MAP3K20: variants seen among roughly 807,000 people sequenced by gnomAD.
The protein encoded by MAP3K20 is HCCS-4.
A neutral mutation model predicts 85.7 loss-of-function variants in MAP3K20; 40 were observed. That is an observed-to-expected ratio of 0.47 (90% confidence interval 0.36 to 0.61). The LOEUF (loss-of-function observed/expected upper bound fraction) is 0.61, where lower values mean the gene tolerates loss of function less well. Ranked by LOEUF, MAP3K20 falls within the 20% of genes least tolerant of loss-of-function variation. The probability of loss-of-function intolerance (pLI) is 0.00; values close to 1 mark genes in which losing one functional copy is unlikely to be tolerated. For synonymous variants in MAP3K20, 325 were observed against 327.7 expected (o/e 0.99, Z 0.09); for missense variants, 817 against 961.7 (o/e 0.85, Z 1.99).
At chr2:173,239,928 G>A (rs1177483801) in intron 16 of MAP3K20, among the ~76,000 whole-genome samples, 2 of 152,212 alleles carry the variant, frequency 1.3e-5, no homozygotes, top group Non-Finnish European at 2.9e-5. Context: ...GGGCATTTGA[G>A]CAACACTTCT....
chr2:173,177,573 G>A (rs142620078), intron 3 of MAP3K20, among the ~76,000 whole-genome samples: 1,776 of 149,362 alleles, frequency 0.012, 13 homozygotes, highest in Non-Finnish European at 0.018. Flanking sequence ...TCGGCCTCCC[G>A]AGTAGCCACC....
At chr2:173,101,967 G>C (rs1279577295) in intron 2 of MAP3K20, among the ~76,000 whole-genome samples, 2 of 152,178 alleles carry the variant, frequency 1.3e-5, no homozygotes, top group Admixed American at 6.5e-5. Context: ...GTTTGGAACA[G>C]CTTCTTAGAA....
intron 3 of MAP3K20, among the ~76,000 whole-genome samples, chr2:173,175,280 C>A (rs908017374): frequency 1.3e-5 from 2 of 152,100 alleles, no homozygotes; most frequent in Non-Finnish European, 1.5e-5. Flanking sequence ...TTGACTCATT[C>A]TTTTCTTAGG....
intron 15 of MAP3K20, 103 bp from the exon 16 acceptor site, chr2:173,239,296 ATAGAT>A (rs1342002048): frequency 1.9e-4 from 158 of 817,884 alleles, no homozygotes; most frequent in Middle Eastern, 1.0e-3. Context: ...CCAAAAGTTA[ATAGAT>A]TAGAATAGAA....
At chr2:173,112,184 T>C (rs541174433) in intron 2 of MAP3K20, among the ~76,000 whole-genome samples, 1 of 152,180 alleles carries the variant, frequency 6.6e-6, no homozygotes, top group Non-Finnish European at 1.5e-5. Flanking sequence ...TAAAAGGGGT[T>C]GAGTTCTTGA....
chr2:173,257,312 C>G (rs1685184157), intron 16 of MAP3K20, among the ~76,000 whole-genome samples: 1 of 152,220 alleles, frequency 6.6e-6, no homozygotes, highest in Non-Finnish European at 1.5e-5. Flanking sequence ...AGAAAGTTTC[C>G]TCATACCCCT....
At chr2:173,239,659 C>T (rs1197844436) in intron 16 of MAP3K20, among the ~76,000 whole-genome samples, 163 bp downstream of exon 16, 2 of 152,162 alleles carry the variant, frequency 1.3e-5, no homozygotes, top group Non-Finnish European at 2.9e-5. Context: ...TGCCAGCTGC[C>T]TCTGTAATCC....
At chr2:173,249,248 G>A (rs763639411) in intron 16 of MAP3K20, among the ~76,000 whole-genome samples, 1 of 152,218 alleles carries the variant, frequency 6.6e-6, no homozygotes, top group South Asian at 2.1e-4. Flanking sequence ...AAAAGCTTCT[G>A]AGGATCACTG....
At chr2:173,188,847 G>T (rs1054363022) in intron 5 of MAP3K20, among the ~76,000 whole-genome samples, 1 of 152,136 alleles carries the variant, frequency 6.6e-6, no homozygotes, top group Non-Finnish European at 1.5e-5. Flanking sequence ...TAGTAGAAAA[G>T]ATCAGAGTTT....
intron 2 of MAP3K20, among the ~76,000 whole-genome samples, chr2:173,161,439 A>G (rs1288129528): frequency 6.6e-6 from 1 of 152,252 alleles, no homozygotes; most frequent in Non-Finnish European, 1.5e-5. Flanking sequence ...TGTACGGTTC[A>G]GGGTTAACAT....
chr2:173,212,022 T>G (rs978676635), intron 10 of MAP3K20: 3 of 152,200 alleles, frequency 2.0e-5, no homozygotes, highest in Non-Finnish European at 4.4e-5. Flanking sequence ...CATCAAAATG[T>G]GCCTTGAACA....
chr2:173,231,121 G>C (rs1038041899), intron 12 of MAP3K20, among the ~76,000 whole-genome samples: 2 of 152,208 alleles, frequency 1.3e-5, no homozygotes, highest in African/African-American at 2.4e-5. Context: ...AGCCTTAGTG[G>C]GTTTGGGCTC....
intron 11 of MAP3K20, chr2:173,223,647 G>A: frequency 1.0e-6 from 1 of 985,296 alleles, no homozygotes; most frequent in Non-Finnish European, 1.2e-6. Context: ...TATGAGCCCT[G>A]GCCAGCTTAA....
At chr2:173,166,964 C>G (rs549960942) in intron 2 of MAP3K20, 4 of 137,212 alleles carry the variant, frequency 2.9e-5, no homozygotes, top group South Asian at 2.3e-4. Context: ...CCAGGCTGGA[C>G]TGCAGTGGCG....
intron 10 of MAP3K20, chr2:173,212,817 GA>G (rs1683951419): frequency 7.3e-6 from 1 of 136,862 alleles, no homozygotes; most frequent in African/African-American, 2.7e-5. Flanking sequence ...AAAAAAAAAA[GA>G]AAAGAAATGA....
chr2:173,111,719 C>T (rs558650825), intron 2 of MAP3K20, among the ~76,000 whole-genome samples: 7 of 152,146 alleles, frequency 4.6e-5, no homozygotes, highest in South Asian at 4.1e-4. Context: ...GCTTTGTTGA[C>T]GATCAGTTGG....
intron 2 of MAP3K20, among the ~76,000 whole-genome samples, chr2:173,130,847 AAAC>A (rs1333819876): frequency 3.9e-5 from 6 of 152,212 alleles, no homozygotes; most frequent in Non-Finnish European, 7.3e-5. Flanking sequence ...TGTAAGTGCA[AAAC>A]AACAACTTTA....
At chr2:173,254,275 A>G (rs1685109196) in intron 16 of MAP3K20, among the ~76,000 whole-genome samples, 1 of 150,554 alleles carries the variant, frequency 6.6e-6, no homozygotes, top group Non-Finnish European at 1.5e-5. Context: ...AAAAACACAA[A>G]AAATTAGCTG....
intron 2 of MAP3K20, among the ~76,000 whole-genome samples, chr2:173,164,810 T>G (rs781651493): frequency 1.8e-4 from 27 of 152,346 alleles, no homozygotes; most frequent in Non-Finnish European, 3.5e-4. Context: ...TTGGAACCTG[T>G]GTGTTAGTCG....
Sources: gnomAD v4.1 joint callset for allele counts (sites outside exome capture counted in the v4.1 genomes callset) on GRCh38, gnomAD v4.1.1 for gene constraint, MANE v1.5 for transcripts, NCBI Gene and HGNC (gene_info 2026-07-23, HGNC 2026-07-21) for gene names.